The following STAG2 variants were observed in gnomAD, a reference collection of about 807,000 sequenced individuals.
STAG2 encodes the protein STAG2 cohesin complex component, also known as cohesin subunit SA-2.
In STAG2, 14 loss-of-function variants were observed where a neutral mutation model predicts 108.1. The ratio of observed to expected loss-of-function variants is 0.13; its 90% confidence interval spans 0.09 to 0.20. STAG2 has a LOEUF of 0.20. Among genes scored for constraint, STAG2 ranks in the 10% least tolerant of loss-of-function variants. STAG2 has a pLI of 1.00. For synonymous variants in STAG2, 307 were observed against 302.7 expected (o/e 1.01, Z -0.15); for missense variants, 440 against 940.9 (o/e 0.47, Z 6.96).
intron 1 of STAG2, among the ~76,000 whole-genome samples, chrX:123,974,273 GC>G (rs1456191814): frequency 3.8e-5 from 4 of 104,720 alleles, no homozygotes; most frequent in Non-Finnish European, 7.8e-5. Context: ...TACTCTGTTG[GC>G]CAGGCTGGAG....
intron 1 of STAG2, among the ~76,000 whole-genome samples, chrX:123,998,025 T>A (rs1311371425): frequency 1.8e-5 from 2 of 111,859 alleles, no homozygotes; most frequent in South Asian, 3.7e-4. Context: ...TGATGGCTCC[T>A]CGGGTTGCTT....
At chrX:123,976,569 G>A (rs1288359182) in intron 1 of STAG2, among the ~76,000 whole-genome samples, 3 of 110,623 alleles carry the variant, frequency 2.7e-5, no homozygotes, top group African/African-American at 9.9e-5. Flanking sequence ...TGCATTATTG[G>A]TATTCATATT....
At chrX:123,972,126 TTGAG>T (rs1468415743) in intron 1 of STAG2, among the ~76,000 whole-genome samples, 2 of 110,966 alleles carry the variant, frequency 1.8e-5, no homozygotes, top group African/African-American at 6.5e-5. Flanking sequence ...TTTTTTTCCT[TTGAG>T]TGGGAGTGAA....
At chrX:124,042,421 T>C (rs1315119934) in intron 6 of STAG2, 148 bp from the exon 7 acceptor site, 5 of 411,313 alleles carry the variant, frequency 1.2e-5, no homozygotes, top group Non-Finnish European at 1.7e-5. Context: ...TAGATTAGAG[T>C]ATCATGGTAA....
chrX:124,014,291 G>A (rs994809370), intron 1 of STAG2, among the ~76,000 whole-genome samples: 1 of 111,834 alleles, frequency 8.9e-6, no homozygotes, highest in Non-Finnish European at 1.9e-5. Flanking sequence ...GGCCTGTTCA[G>A]TTTGTCTACT....
At chrX:124,073,279 C>A (rs1032023270) in intron 25 of STAG2, among the ~76,000 whole-genome samples, 1 of 111,481 alleles carries the variant, frequency 9.0e-6, no homozygotes, top group African/African-American at 3.3e-5. Flanking sequence ...AGTACATAAC[C>A]GTTTTGTTAA....
In STAG2 at chrX:124,005,113, C is replaced by T. The variant is rs756300593; in HGVS notation, c.-162-16254C>T. 1.4e-4 allele frequency among the ~76,000 whole-genome samples: 16 copies of T among 111,491 alleles called. No homozygotes were observed. In the East Asian group the frequency reaches 3.1e-3, roughly 21 times the overall value. ...ATAACACCTAATATAATATAAATGCCGTGTAAATAGTTATATTGTATTGAT... is the reference window on the plus strand; with the variant it reads ...ATAACACCTAATATAATATAAATGCTGTGTAAATAGTTATATTGTATTGAT... On this transcript the variant is annotated intron_variant, in intron 1 of 34. Transcript: ENST00000371145.
chrX:123,985,144 CT>C (rs992669998), intron 1 of STAG2, among the ~76,000 whole-genome samples: 6 of 107,237 alleles, frequency 5.6e-5, no homozygotes, highest in Admixed American at 1.0e-4. Flanking sequence ...TCATTAAATA[CT>C]TTTTTTTTTG....
chrX:124,088,068 T>TA (rs1412541421), intron 30 of STAG2, among the ~76,000 whole-genome samples: 1 of 112,002 alleles, frequency 8.9e-6, no homozygotes, highest in Non-Finnish European at 1.9e-5. Flanking sequence ...AACAAAATGT[T>TA]ATCAAATTGA....
Position 124,076,370 on chromosome X carries a change from C to T in STAG2, c.2572C>T (p.Leu858=). The change falls in exon 26 of 35, where the codon CTG becomes TTG. Residue 858 remains leucine (L), a synonymous_variant. Coordinates refer to ENST00000371145, the MANE Select transcript of STAG2 (RefSeq NM_001042750.2). ...GGATGAAGCCAGTAAAATTGAAGCTCTGCACAAGAGAAGAAATTTACTTGC... is the reference window on the plus strand; with the variant it reads ...GGATGAAGCCAGTAAAATTGAAGCTTTGCACAAGAGAAGAAATTTACTTGC... ...QEDEASKIEA[L]HKRRNLLAAF... is the part of the protein sequence containing the mutation. 1 of 1,209,196 alleles carries T rather than the reference C, an allele frequency of 8.3e-7. No individual in the cohort carries two copies. Among genetic ancestry groups the T allele is most frequent in the Non-Finnish European group, 1.1e-6 (1 of 894,271 alleles).
intron 1 of STAG2, among the ~76,000 whole-genome samples, chrX:124,011,661 C>T (rs2056527556): frequency 9.0e-6 from 1 of 111,427 alleles, no homozygotes; most frequent in Non-Finnish European, 1.9e-5. Context: ...TGAGGGTCCA[C>T]ATCTGATGAG....
intron 1 of STAG2, among the ~76,000 whole-genome samples, chrX:123,997,587 G>C (rs1339167886): frequency 6.2e-5 from 7 of 112,278 alleles, no homozygotes; most frequent in Middle Eastern, 4.6e-3. Context: ...TTTGTGACTG[G>C]CTTTTATTTC....
intron 1 of STAG2, among the ~76,000 whole-genome samples, chrX:123,967,981 A>G (rs1195133238): frequency 9.2e-6 from 1 of 108,556 alleles, no homozygotes; most frequent in Non-Finnish European, 1.9e-5. Flanking sequence ...GCTCACTGCA[A>G]CCTCTGCCTC....
intron 1 of STAG2, among the ~76,000 whole-genome samples, chrX:124,009,443 G>GTAGGTAGGTAGGTAGGTAGATAGA (rs1556479689): frequency 3.1e-5 from 2 of 63,607 alleles, no homozygotes; most frequent in African/African-American, 1.2e-4. Flanking sequence ...AGGTAGGTAG[G>GTAGGTAGGTAGGTAGGTAGATAGA]TAGATAGATA....
At chrX:124,037,677 C>T (rs2057560337) in intron 6 of STAG2, 54 bp downstream of exon 6, 1 of 771,494 alleles carries the variant, frequency 1.3e-6, no homozygotes, top group African/African-American at 2.1e-5. Context: ...CTTCGTTGTT[C>T]CACCTAAAGA....
chrX:124,021,115 A>G (rs987019567), intron 1 of STAG2, among the ~76,000 whole-genome samples: 1 of 112,687 alleles, frequency 8.9e-6, no homozygotes, highest in Non-Finnish European at 1.9e-5. Flanking sequence ...TGTTCACAAA[A>G]CATAAAATTA....
At position 124,056,246 on chromosome X, in the gene STAG2, A is replaced by G. The variant is rs376784048; in HGVS notation, c.1304+11A>G. 3 of 1,143,093 alleles carry G rather than the reference A, an allele frequency of 2.6e-6. No homozygotes were observed. The highest frequency in any genetic ancestry group is 3.8e-5 in the South Asian group (2 of 53,082). 94.2% of individuals were successfully genotyped at this position (1,143,093 alleles called of 1,213,427 possible). On this transcript the variant is annotated intron_variant, in intron 14 of 34. Transcript: ENST00000371145. ...ATTTCTCTACAAAAAGTAAATCTATATATCTGTTACTCATTTTCTAAGGCA... is the reference window on the plus strand; with the variant it reads ...ATTTCTCTACAAAAAGTAAATCTATGTATCTGTTACTCATTTTCTAAGGCA...
intron 14 of STAG2, 133 bp downstream of exon 14, chrX:124,056,368 C>A (rs780192857): frequency 6.6e-6 from 2 of 303,676 alleles, no homozygotes; most frequent in South Asian, 1.5e-4. Flanking sequence ...TCGAAGCTTT[C>A]ACATTTTACT....
intron 29 of STAG2, among the ~76,000 whole-genome samples, chrX:124,084,639 A>G (rs1407181583): frequency 8.9e-6 from 1 of 111,929 alleles, no homozygotes; most frequent in African/African-American, 3.3e-5. Context: ...CTTGTTAGGT[A>G]TGTGGGTCAC....
Sources: gnomAD v4.1 joint callset for allele counts (sites outside exome capture counted in the v4.1 genomes callset) on GRCh38, gnomAD v4.1.1 for gene constraint, MANE v1.5 for transcripts, NCBI Gene and HGNC (gene_info 2026-07-23, HGNC 2026-07-21) for gene names.